Variants in AOPEP observed in about 807,000 individuals in gnomAD.
AOPEP encodes aminopeptidase O (putative), also known as aminopeptidase O.
In AOPEP, 77 loss-of-function variants were observed where a neutral mutation model predicts 98.1. That is an observed-to-expected ratio of 0.78 (90% CI 0.65 to 0.95). The LOEUF is 0.95. Among genes scored for constraint, AOPEP ranks in the 40% least tolerant of loss-of-function variants. The pLI, the probability that AOPEP is intolerant of heterozygous loss-of-function variation, is 0.00. For synonymous variants in AOPEP, 346 were observed against 365.3 expected (o/e 0.95, Z 0.60); for missense variants, 1,024 against 1,024.7 (o/e 1.00, Z 0.01).
intron 5 of AOPEP, among the ~76,000 whole-genome samples, chr9:94,835,413 A>G (rs142523108): frequency 6.6e-5 from 10 of 152,350 alleles, no homozygotes; most frequent in Admixed American, 2.6e-4. Flanking sequence ...TATTCTGCAT[A>G]TCACTAGAAA....
intron 16 of AOPEP, chr9:95,085,367 C>G: frequency 2.0e-6 from 1 of 493,374 alleles, no homozygotes; most frequent in Non-Finnish European, 4.2e-6. Flanking sequence ...TCTCGTAGCT[C>G]TTCTTTGGAA....
chr9:94,863,280 C>CTTTTTTTTT (rs11299544), intron 5 of AOPEP, among the ~76,000 whole-genome samples: 1 of 91,600 alleles, frequency 1.1e-5, no homozygotes, highest in African/African-American at 3.5e-5. Flanking sequence ...CTCTTTTTCT[C>CTTTTTTTTT]TTTTTTTTTT....
chr9:95,107,293 G>C, the AOPEP span: 1 of 1,608,656 alleles, frequency 6.2e-7, no homozygotes, highest in Non-Finnish European at 8.5e-7. Flanking sequence ...TTTCACAGGG[G>C]AGAGGTTAGG....
At chr9:94,826,813 C>T (rs1318208801) in intron 5 of AOPEP, among the ~76,000 whole-genome samples, 1 of 151,976 alleles carries the variant, frequency 6.6e-6, no homozygotes, top group African/African-American at 2.4e-5. Flanking sequence ...GTAGTGGTGG[C>T]AGTACAGTGG....
intron 5 of AOPEP, among the ~76,000 whole-genome samples, chr9:94,837,800 C>T (rs892147176): frequency 1.3e-5 from 2 of 152,116 alleles, no homozygotes; most frequent in African/African-American, 2.4e-5. Flanking sequence ...CCACAGCCGA[C>T]GTAATACTGA....
chr9:95,125,297 A>G, the AOPEP span: 1 of 808,044 alleles, frequency 1.2e-6, no homozygotes, highest in Non-Finnish European at 2.1e-6. Flanking sequence ...CATAAGCTTC[A>G]GCAGTATCTC....
At chr9:94,961,898 C>G (rs1676340620) in intron 9 of AOPEP, among the ~76,000 whole-genome samples, 1 of 152,212 alleles carries the variant, frequency 6.6e-6, no homozygotes, top group South Asian at 2.1e-4. Context: ...TTGGGTAGCA[C>G]TCTCCTGACC....
intron 1 of AOPEP, among the ~76,000 whole-genome samples, chr9:94,750,756 CT>C (rs536762614): frequency 7.6e-4 from 99 of 130,900 alleles, no homozygotes; most frequent in African/African-American, 1.2e-3. Flanking sequence ...TCTTTTCTTT[CT>C]TTTTTTTTTT....
the AOPEP span, among the ~76,000 whole-genome samples, chr9:95,095,430 C>T: frequency 1.4e-3 from 211 of 152,318 alleles, no homozygotes; most frequent in African/African-American, 4.7e-3. Flanking sequence ...CCTGCCCGTG[C>T]GTTTCGAGCT....
chr9:94,983,796 A>G (rs898533218), intron 11 of AOPEP, among the ~76,000 whole-genome samples: 1 of 151,896 alleles, frequency 6.6e-6, no homozygotes, highest in African/African-American at 2.4e-5. Flanking sequence ...TTTAGCATAC[A>G]TCACAACCTG....
At chr9:94,762,339 C>T (rs767170189) in intron 2 of AOPEP, among the ~76,000 whole-genome samples, 4 of 151,644 alleles carry the variant, frequency 2.6e-5, no homozygotes, top group South Asian at 4.2e-4. Context: ...CCCAGCCATT[C>T]GGGAGGCTGA....
chr9:94,792,731 G>T, intron 3 of AOPEP, 34 bp from the exon 4 acceptor site: 1 of 1,547,184 alleles, frequency 6.5e-7, no homozygotes, highest in South Asian at 1.2e-5. Context: ...ATCATATATT[G>T]GCCTCATTAT....
At chr9:94,817,166 T>C (rs1194544482) in intron 5 of AOPEP, among the ~76,000 whole-genome samples, 6 of 152,052 alleles carry the variant, frequency 3.9e-5, no homozygotes, top group Non-Finnish European at 5.9e-5. Context: ...CATGCCTGGC[T>C]AATTTTCTGT....
chr9:94,982,835 G>C (rs1345430280), intron 11 of AOPEP, among the ~76,000 whole-genome samples: 10 of 151,930 alleles, frequency 6.6e-5, no homozygotes, highest in Non-Finnish European at 1.5e-5. Context: ...AATAGATTTT[G>C]GATTTTTTTT....
At chr9:95,110,133 C>A in the AOPEP span, 2 of 509,058 alleles carry the variant, frequency 3.9e-6, no homozygotes, top group Non-Finnish European at 5.1e-6. Context: ...CCTAGGCATC[C>A]CCTGAGGGAG....
chr9:94,766,453 C>T (rs1839639231), intron 2 of AOPEP, among the ~76,000 whole-genome samples: 3 of 152,196 alleles, frequency 2.0e-5, no homozygotes, highest in Admixed American at 1.3e-4. Context: ...AGGGGAATGG[C>T]GTGAACCCAG....
At chr9:95,011,845 A>C (rs1191552280) in intron 13 of AOPEP, among the ~76,000 whole-genome samples, 1 of 152,182 alleles carries the variant, frequency 6.6e-6, no homozygotes, top group Non-Finnish European at 1.5e-5. Flanking sequence ...ATAGTTTAAA[A>C]AAAAGTTCCA....
intron 5 of AOPEP, among the ~76,000 whole-genome samples, chr9:94,890,409 C>T (rs1389398319): frequency 2.0e-5 from 3 of 151,176 alleles, no homozygotes; most frequent in South Asian, 2.1e-4. Context: ...GTGATCCACC[C>T]GCCTCAGCCT....
chr9:94,876,792 A>T (rs1241174433), intron 5 of AOPEP, among the ~76,000 whole-genome samples: 1 of 152,166 alleles, frequency 6.6e-6, no homozygotes, highest in Non-Finnish European at 1.5e-5. Context: ...CTCAGTACCA[A>T]ATATAAGCCC....
Sources: gnomAD v4.1 joint callset for allele counts (sites outside exome capture counted in the v4.1 genomes callset) on GRCh38, gnomAD v4.1.1 for gene constraint, MANE v1.5 for transcripts, NCBI Gene and HGNC (gene_info 2026-07-23, HGNC 2026-07-21) for gene names.